PCMT1: variants seen among roughly 807,000 people sequenced by gnomAD.
PCMT1 encodes the protein protein-L-isoaspartate (D-aspartate) O-methyltransferase, also known as protein-L-isoaspartate(D-aspartate) O-methyltransferase.
In PCMT1, 9 loss-of-function variants were observed where a neutral mutation model predicts 29.2. The ratio of observed to expected loss-of-function variants is 0.31; its 90% CI spans 0.19 to 0.54. The LOEUF (loss-of-function observed/expected upper bound fraction) is 0.54. PCMT1 is among the 20% of genes least tolerant of loss of function. PCMT1 has a pLI of 0.95. For synonymous variants in PCMT1, 98 were observed against 97.5 expected (o/e 1.00, Z -0.03); for missense variants, 184 against 282.2 (o/e 0.65, Z 2.49).
intron 4 of PCMT1, among the ~76,000 whole-genome samples, chr6:149,791,056 C>CTTAG (rs1313616851): frequency 6.6e-6 from 1 of 152,088 alleles, no homozygotes; most frequent in Non-Finnish European, 1.5e-5. Context: ...GGGGGTCAGG[C>CTTAG]TTAGCCCCGA....
At chr6:149,775,576 A>G (rs1787529797) in intron 3 of PCMT1, among the ~76,000 whole-genome samples, 1 of 151,850 alleles carries the variant, frequency 6.6e-6, no homozygotes, top group Non-Finnish European at 1.5e-5. Context: ...GTGTGGTGGC[A>G]ATGTTCCTGT....
intron 1 of PCMT1, 22 bp from the exon 2 acceptor site, chr6:149,771,140 A>C (rs998809817): frequency 2.2e-6 from 3 of 1,374,828 alleles, no homozygotes; most frequent in Non-Finnish European, 2.1e-6. Flanking sequence ...TCTTCTGAAA[A>C]TATTTGCCTC....
chr6:149,754,549 T>C (rs925801988), intron 1 of PCMT1, among the ~76,000 whole-genome samples: 3 of 152,186 alleles, frequency 2.0e-5, no homozygotes, highest in Non-Finnish European at 4.4e-5. Context: ...ACTTAATGGA[T>C]AGGCTTCAAA....
chr6:149,772,331 G>C (rs1012893375), intron 2 of PCMT1: 1 of 329,254 alleles, frequency 3.0e-6, no homozygotes, highest in African/African-American at 2.2e-5. Context: ...ATTAACATTA[G>C]ATGATAAGAT....
At chr6:149,789,878 G>A (rs1220387761) in intron 3 of PCMT1, 76 bp from the exon 4 acceptor site, 1 of 942,062 alleles carries the variant, frequency 1.1e-6, no homozygotes, top group Admixed American at 2.7e-5. Context: ...AAAATTGGTA[G>A]AAAGTTGGCA....
At chr6:149,807,918 A>G (rs185766027) in intron 7 of PCMT1, among the ~76,000 whole-genome samples, 1 of 152,306 alleles carries the variant, frequency 6.6e-6, no homozygotes, top group Admixed American at 6.5e-5. Flanking sequence ...CTCTTTACAT[A>G]TGTTCCAGTA....
At chr6:149,808,231 C>T (rs1216849471) in intron 7 of PCMT1, among the ~76,000 whole-genome samples, 1 of 151,736 alleles carries the variant, frequency 6.6e-6, no homozygotes, top group Admixed American at 6.6e-5. Context: ...CAGTTATTAA[C>T]CTAATGAATA....
intron 1 of PCMT1, among the ~76,000 whole-genome samples, chr6:149,751,201 C>T (rs1225469109): frequency 2.6e-5 from 4 of 152,126 alleles, no homozygotes; most frequent in African/African-American, 9.7e-5. Flanking sequence ...CCTGTAATCC[C>T]AGCTACTTGT....
At chr6:149,759,553 G>C (rs1327528664) in intron 1 of PCMT1, among the ~76,000 whole-genome samples, 23 of 151,992 alleles carry the variant, frequency 1.5e-4, no homozygotes, top group Non-Finnish European at 2.9e-5. Flanking sequence ...GGAGTGCAAT[G>C]GCGGGATCTC....
intron 3 of PCMT1, among the ~76,000 whole-genome samples, chr6:149,787,456 T>G (rs1402434142): frequency 6.7e-6 from 1 of 150,328 alleles, no homozygotes; most frequent in African/African-American, 2.5e-5. Context: ...AACATCCACC[T>G]CCCGGGTTCA....
At chr6:149,793,846 T>C (rs1788486835) in intron 5 of PCMT1, among the ~76,000 whole-genome samples, 177 bp downstream of exon 5, 1 of 152,252 alleles carries the variant, frequency 6.6e-6, no homozygotes, top group African/African-American at 2.4e-5. Context: ...CAGCCATCTC[T>C]TTGTGAGTTT....
chr6:149,786,759 C>T (rs1357451108), intron 3 of PCMT1, among the ~76,000 whole-genome samples: 3 of 150,074 alleles, frequency 2.0e-5, no homozygotes, highest in Admixed American at 6.6e-5. Context: ...AGACGATGGG[C>T]GGCTGAGCAG....
chr6:149,764,830 A>G (rs1045073723), intron 1 of PCMT1, among the ~76,000 whole-genome samples: 1 of 151,400 alleles, frequency 6.6e-6, no homozygotes, highest in Admixed American at 6.6e-5. Flanking sequence ...TCACGAGATC[A>G]GAAGATCGAG....
intron 3 of PCMT1, among the ~76,000 whole-genome samples, chr6:149,785,934 G>C (rs1262432812): frequency 9.2e-5 from 14 of 151,792 alleles, no homozygotes; most frequent in African/African-American, 3.4e-4. Flanking sequence ...ACACCTCCCA[G>C]ACGGGGTGGT....
chr6:149,806,966 T>C (rs989792973), intron 7 of PCMT1, among the ~76,000 whole-genome samples: 1 of 152,194 alleles, frequency 6.6e-6, no homozygotes, highest in Non-Finnish European at 1.5e-5. Context: ...GCTTTCCACC[T>C]TTCTTACTGA....
intron 3 of PCMT1, among the ~76,000 whole-genome samples, chr6:149,777,948 C>T (rs1373179483): frequency 1.5e-5 from 2 of 137,566 alleles, no homozygotes; most frequent in Non-Finnish European, 3.0e-5. Context: ...GTGATCTTGG[C>T]TTACTGCAAC....
At chr6:149,752,281 T>C (rs541260796) in intron 1 of PCMT1, among the ~76,000 whole-genome samples, 110 of 152,104 alleles carry the variant, frequency 7.2e-4, no homozygotes, top group African/African-American at 2.6e-3. Flanking sequence ...CACTGCAACC[T>C]CTGCCTCCTG....
intron 1 of PCMT1, among the ~76,000 whole-genome samples, chr6:149,750,979 C>T (rs1786290237): frequency 1.3e-5 from 2 of 152,126 alleles, no homozygotes; most frequent in Non-Finnish European, 2.9e-5. Context: ...TGTCTTATTT[C>T]TCAACTCGAT....
At chr6:149,765,686 G>C (rs1224064758) in intron 1 of PCMT1, 1 of 355,246 alleles carries the variant, frequency 2.8e-6, no homozygotes, top group East Asian at 1.1e-4. Flanking sequence ...TTATTTTTTT[G>C]CTAGGCATGA....
Sources: gnomAD v4.1 joint callset for allele counts (sites outside exome capture counted in the v4.1 genomes callset) on GRCh38, gnomAD v4.1.1 for gene constraint, MANE v1.5 for transcripts, NCBI Gene and HGNC (gene_info 2026-07-23, HGNC 2026-07-21) for gene names.